Variants in KIAA1217 observed in about 807,000 individuals in gnomAD.
The protein encoded by KIAA1217 is KIAA1217.
A neutral mutation model predicts 163.9 loss-of-function variants in KIAA1217; 88 were observed. That is an observed-to-expected ratio of 0.54 (90% CI 0.45 to 0.64). The LOEUF (loss-of-function observed/expected upper bound fraction) is 0.64, where lower values mean the gene tolerates loss of function less well. Ranked by LOEUF, KIAA1217 falls within the 30% of genes least tolerant of loss-of-function variation. The pLI, the probability that KIAA1217 is intolerant of heterozygous loss-of-function variation, is 0.00. For synonymous variants in KIAA1217, 903 were observed against 923.1 expected (o/e 0.98, Z 0.39); for missense variants, 2,372 against 2,475.0 (o/e 0.96, Z 0.88).
intron 1 of KIAA1217, among the ~76,000 whole-genome samples, chr10:23,796,387 G>C (rs1182770553): frequency 7.0e-6 from 1 of 142,906 alleles, no homozygotes; most frequent in East Asian, 2.0e-4. Context: ...TAATTGAGAC[G>C]AAGTCTCACT....
rs999202662 is a variant in KIAA1217, at chr10:24,311,440, C to T, written c.355-69429C>T. 2.6e-5 allele frequency among the ~76,000 whole-genome samples: 4 copies of T among 152,252 alleles called. No individual in the cohort carries two copies. The South Asian group carries it at 6.2e-4, about 24-fold the overall frequency. ...AGTAAGTATTGGTTGAAGGAATCAGCGATGTTTGGCTACCCATTGTGTGCT... is the reference window on the plus strand; with the variant it reads ...AGTAAGTATTGGTTGAAGGAATCAGTGATGTTTGGCTACCCATTGTGTGCT... On this transcript the variant is annotated intron_variant, in intron 2 of 20. Transcript: ENST00000376454.
chr10:24,044,433 A>T (rs1454220476), intron 2 of KIAA1217, among the ~76,000 whole-genome samples: 2 of 152,124 alleles, frequency 1.3e-5, no homozygotes, highest in African/African-American at 4.8e-5. Context: ...ATCTTGACGT[A>T]GCTTATCACG....
chr10:24,197,626 A>G (rs1288815755), intron 2 of KIAA1217, among the ~76,000 whole-genome samples: 1 of 152,224 alleles, frequency 6.6e-6, no homozygotes, highest in African/African-American at 2.4e-5. Flanking sequence ...ACATCCTGCC[A>G]ATTTTACTTC....
chr10:23,820,398 G>A (rs986067518), intron 1 of KIAA1217, among the ~76,000 whole-genome samples: 1 of 152,152 alleles, frequency 6.6e-6, no homozygotes, highest in Non-Finnish European at 1.5e-5. Flanking sequence ...CACTTGCTAT[G>A]ATAACAGTCA....
At chr10:24,155,827 A>T (rs934504022) in intron 2 of KIAA1217, among the ~76,000 whole-genome samples, 12 of 146,486 alleles carry the variant, frequency 8.2e-5, no homozygotes, top group African/African-American at 2.7e-4. Context: ...GACTTGGAAT[A>T]AAAAAAAAAA....
chr10:24,178,273 T>G (rs1443983851), intron 2 of KIAA1217, among the ~76,000 whole-genome samples: 1 of 152,256 alleles, frequency 6.6e-6, no homozygotes, highest in East Asian at 1.9e-4. Context: ...AATAATGCTT[T>G]ATTTGTATAA....
At chr10:24,044,968 T>C (rs1848894417) in intron 2 of KIAA1217, among the ~76,000 whole-genome samples, 1 of 152,172 alleles carries the variant, frequency 6.6e-6, no homozygotes, top group South Asian at 2.1e-4. Flanking sequence ...TGAACAGGTA[T>C]CTCTTACTTT....
At chr10:23,930,229 T>TG (rs1338580061) in intron 1 of KIAA1217, among the ~76,000 whole-genome samples, 9 of 152,156 alleles carry the variant, frequency 5.9e-5, no homozygotes, top group African/African-American at 2.2e-4. Context: ...CACTTTTAAA[T>TG]GGGGTTATTT....
At chr10:24,156,974 A>C (rs1415767369) in intron 2 of KIAA1217, among the ~76,000 whole-genome samples, 1 of 152,218 alleles carries the variant, frequency 6.6e-6, no homozygotes, top group Non-Finnish European at 1.5e-5. Flanking sequence ...AACATACCTG[A>C]TTAAAGTACA....
At chr10:24,209,020 A>G (rs1194146987), upstream of KIAA1217, 4 of 598,418 alleles carry the variant, frequency 6.7e-6, no homozygotes, top group Non-Finnish European at 1.2e-5. Flanking sequence ...GCTGGAATGC[A>G]GTTTTCTCGG....
intron 3 of KIAA1217, among the ~76,000 whole-genome samples, chr10:24,398,248 AACT>A (rs749288648): frequency 2.6e-5 from 4 of 152,204 alleles, no homozygotes; most frequent in African/African-American, 4.8e-5. Context: ...CATTAAGAGA[AACT>A]ACTATTTATT....
intron 1 of KIAA1217, among the ~76,000 whole-genome samples, chr10:23,776,652 T>C (rs1835019649): frequency 6.6e-6 from 1 of 151,114 alleles, no homozygotes; most frequent in African/African-American, 2.4e-5. Context: ...TACTACTATG[T>C]GTACTGAGTG....
chr10:24,339,338 T>C (rs938436853), intron 2 of KIAA1217, among the ~76,000 whole-genome samples: 1 of 152,230 alleles, frequency 6.6e-6, no homozygotes, highest in African/African-American at 2.4e-5. Flanking sequence ...TTCAAATAGA[T>C]CTTCATTAAT....
chr10:24,364,188 A>T (rs944169574), intron 2 of KIAA1217, among the ~76,000 whole-genome samples: 1 of 152,028 alleles, frequency 6.6e-6, no homozygotes, highest in Non-Finnish European at 1.5e-5. Flanking sequence ...CATGTTGGCC[A>T]GGCTGGTCTC....
chr10:23,710,408 T>C (rs1269032268), intron 1 of KIAA1217, among the ~76,000 whole-genome samples: 1 of 152,228 alleles, frequency 6.6e-6, no homozygotes, highest in Non-Finnish European at 1.5e-5. Flanking sequence ...GCATCTGATA[T>C]TGATTTAAAT....
chr10:24,432,860 C>G (rs2059712710), intron 3 of KIAA1217, 135 bp from the exon 4 acceptor site: 5 of 649,082 alleles, frequency 7.7e-6, no homozygotes, highest in Non-Finnish European at 1.3e-5. Flanking sequence ...AAATTCCAAA[C>G]CTAGATCTCT....
chr10:24,433,245 G>T (rs1564669907), intron 4 of KIAA1217, 52 bp downstream of exon 4: 19 of 1,410,026 alleles, frequency 1.3e-5, no homozygotes, highest in East Asian at 4.8e-5. Flanking sequence ...AGTTTTTTTT[G>T]TTTTTTGTTT....
At chr10:24,472,505 T>G (rs2063633520) in intron 5 of KIAA1217, among the ~76,000 whole-genome samples, 1 of 152,194 alleles carries the variant, frequency 6.6e-6, no homozygotes, top group Non-Finnish European at 1.5e-5. Flanking sequence ...TAGAAAAACG[T>G]GCTCAGGACA....
In KIAA1217 at chr10:23,756,714, A is replaced by G. The variant is rs115785357; in HGVS notation, c.-321+61480A>G. Reference sequence around the variant, plus strand: ...AAATAGCTATTTAAAAATTATTAGTATTTAATTTTTTCACCTAATTTTTCC... The same window carrying G: ...AAATAGCTATTTAAAAATTATTAGTGTTTAATTTTTTCACCTAATTTTTCC... On this transcript the variant is annotated intron_variant, in intron 1 of 18. Coordinates refer to the KIAA1217 transcript ENST00000376462. Among the ~76,000 whole-genome samples the G allele has an allele frequency of 4.6e-3, 700 of 152,356 alleles. 1 individual carries two copies. Among genetic ancestry groups the G allele is most frequent in the African/African-American group, 0.015 (625 of 41,588 alleles).
Sources: gnomAD v4.1 joint callset for allele counts (sites outside exome capture counted in the v4.1 genomes callset) on GRCh38, gnomAD v4.1.1 for gene constraint, MANE v1.5 for transcripts, NCBI Gene and HGNC (gene_info 2026-07-23, HGNC 2026-07-21) for gene names.